Variants in CAMKMT observed in about 807,000 individuals in gnomAD.
CAMKMT encodes the protein CaM KMT.
A neutral mutation model predicts 48.0 loss-of-function variants in CAMKMT; 53 were observed. The observed-to-expected ratio is 1.10, with a 90% CI of 0.89 to 1.39. The LOEUF (loss-of-function observed/expected upper bound fraction) is 1.39. Ranked by LOEUF, CAMKMT falls within the 40% of genes most tolerant of loss-of-function variation. The pLI is 0.00. For missense variants in CAMKMT, 428 were observed against 402.7 expected, an observed-to-expected ratio of 1.06 and a Z score of -0.54; for synonymous variants, 165 against 152.3, an observed-to-expected ratio of 1.08 and a Z score of -0.61.
At chr2:44,713,380 G>C (rs1201768497) in intron 6 of CAMKMT, among the ~76,000 whole-genome samples, 1 of 152,158 alleles carries the variant, frequency 6.6e-6, no homozygotes, top group Non-Finnish European at 1.5e-5. Flanking sequence ...GGTGTGGCCA[G>C]AGTGTGGGGG....
chr2:44,732,897 A>G lies in CAMKMT; in HGVS notation c.624-10725A>G, dbSNP rs138367072. Among the ~76,000 whole-genome samples, 780 of 152,282 alleles carry G rather than the reference A, an allele frequency of 5.1e-3. 10 individuals are homozygous for G. Among genetic ancestry groups the G allele is most frequent in the African/African-American group, 0.018 (745 of 41,566 alleles). ...AGCTCGTCTTCATTCTCCTCACAGG[A>G]TCTTTCAAAGTGCAAATGTTTTTAA... On this transcript the variant is annotated intron_variant, in intron 7 of 10. Transcript: ENST00000378494.
intron 7 of CAMKMT, among the ~76,000 whole-genome samples, chr2:44,718,564 A>G (rs1439546480): frequency 1.3e-5 from 2 of 152,232 alleles, no homozygotes; most frequent in African/African-American, 2.4e-5. Context: ...TATTTACAGT[A>G]TCTCAATTGT....
chr2:44,499,141 G>C (rs566831602), intron 3 of CAMKMT, among the ~76,000 whole-genome samples: 2 of 152,230 alleles, frequency 1.3e-5, no homozygotes, highest in South Asian at 4.1e-4. Flanking sequence ...TAAGAAAATA[G>C]AATACATCTA....
chr2:44,673,720 G>A (rs1167702673), intron 3 of CAMKMT, among the ~76,000 whole-genome samples: 2 of 152,068 alleles, frequency 1.3e-5, no homozygotes, highest in Non-Finnish European at 2.9e-5. Flanking sequence ...AAGGAAAGGG[G>A]GAAGAAGAAA....
intron 7 of CAMKMT, among the ~76,000 whole-genome samples, chr2:44,724,781 C>T (rs1457631227): frequency 6.6e-6 from 1 of 152,112 alleles, no homozygotes; most frequent in Non-Finnish European, 1.5e-5. Context: ...CGTTTCTTGT[C>T]TACATCACAG....
chr2:44,748,886 A>T (rs1680031215), intron 8 of CAMKMT, among the ~76,000 whole-genome samples: 1 of 152,200 alleles, frequency 6.6e-6, no homozygotes. Flanking sequence ...TGAAGAGCGA[A>T]TATTTTAAAG....
chr2:44,525,208 T>C (rs1460892519), intron 3 of CAMKMT, among the ~76,000 whole-genome samples: 1 of 152,200 alleles, frequency 6.6e-6, no homozygotes, highest in Non-Finnish European at 1.5e-5. Flanking sequence ...AGCTTGTTGA[T>C]GACTGAAATC....
chr2:44,694,989 A>G (rs939271019), intron 3 of CAMKMT, among the ~76,000 whole-genome samples: 5 of 152,216 alleles, frequency 3.3e-5, no homozygotes, highest in African/African-American at 1.2e-4. Context: ...TAACGTTTAT[A>G]ACGTGTTTAG....
chr2:44,565,860 T>A (rs372022553), intron 3 of CAMKMT, among the ~76,000 whole-genome samples: 23 of 152,320 alleles, frequency 1.5e-4, no homozygotes, highest in African/African-American at 5.1e-4. Context: ...GAAGGCTGAC[T>A]GTTCTAAAGT....
rs1311507511 is a variant in CAMKMT, at chr2:44,456,493, A to C, written c.376+66188A>C. The C allele has an allele frequency of 1.7e-5, 26 of 1,523,386 alleles. No individual in the cohort carries two copies. The Admixed American group carries it at 5.5e-4, about 33-fold the overall frequency. The allele number at this position is 1,523,386 out of a possible 1,614,324, so 94.4% of individuals were successfully genotyped here. On this transcript the variant is annotated intron_variant, in intron 3 of 10. Coordinates refer to ENST00000378494, the MANE Select transcript of CAMKMT (RefSeq NM_024766.5). ...GTACATTCTTGTGAAAGAAGAAACAAAAAGACCTTGGAATGAAAAGCTTTA... is the reference window on the plus strand; with the variant it reads ...GTACATTCTTGTGAAAGAAGAAACACAAAGACCTTGGAATGAAAAGCTTTA...
intron 3 of CAMKMT, among the ~76,000 whole-genome samples, chr2:44,647,946 C>T (rs1673838857): frequency 6.8e-6 from 1 of 146,074 alleles, no homozygotes; most frequent in Admixed American, 6.8e-5. Context: ...CTATGAACAG[C>T]AATGATTGCC....
chr2:44,733,911 T>C (rs2104351107), intron 7 of CAMKMT, among the ~76,000 whole-genome samples: 1 of 152,260 alleles, frequency 6.6e-6, no homozygotes, highest in African/African-American at 2.4e-5. Context: ...TCTGTATTGA[T>C]GGCACCTCTC....
At chr2:44,599,826 T>TAAAAAA (rs35544020) in intron 3 of CAMKMT, among the ~76,000 whole-genome samples, 1 of 145,440 alleles carries the variant, frequency 6.9e-6, no homozygotes, top group African/African-American at 2.5e-5. Flanking sequence ...TGGCAAGGTT[T>TAAAAAA]AAAAAAAAAA....
intron 3 of CAMKMT, among the ~76,000 whole-genome samples, chr2:44,555,374 A>G (rs1421885643): frequency 6.6e-6 from 1 of 152,184 alleles, no homozygotes; most frequent in Admixed American, 6.5e-5. Context: ...GGAGTCAGAC[A>G]CATCTGACGG....
At chr2:44,738,251 T>C (rs1222037912) in intron 7 of CAMKMT, among the ~76,000 whole-genome samples, 2 of 152,208 alleles carry the variant, frequency 1.3e-5, no homozygotes, top group Non-Finnish European at 2.9e-5. Flanking sequence ...GGGGTAAAGG[T>C]AGGGCTCATT....
chr2:44,523,839 G>A (rs915227275), intron 3 of CAMKMT, among the ~76,000 whole-genome samples: 2 of 141,988 alleles, frequency 1.4e-5, no homozygotes, highest in African/African-American at 5.3e-5. Context: ...GTGCAGTGGC[G>A]TGATCTCGGC....
intron 3 of CAMKMT, among the ~76,000 whole-genome samples, chr2:44,516,052 C>G (rs1258794250): frequency 1.3e-5 from 2 of 152,110 alleles, no homozygotes; most frequent in Non-Finnish European, 2.9e-5. Context: ...GAAATATGTA[C>G]TAGAAGCCAA....
At chr2:44,375,015 C>T (rs1435017306) in intron 2 of CAMKMT, among the ~76,000 whole-genome samples, 1 of 152,150 alleles carries the variant, frequency 6.6e-6, no homozygotes, top group South Asian at 2.1e-4. Context: ...CTTGTAGTCC[C>T]AGGCACTCAG....
intron 3 of CAMKMT, among the ~76,000 whole-genome samples, chr2:44,682,167 T>C (rs969647402): frequency 5.3e-5 from 8 of 152,228 alleles, no homozygotes; most frequent in Non-Finnish European, 7.3e-5. Context: ...TATTTGAAAA[T>C]ATGTGTTCAC....
Sources: allele counts gnomAD v4.1 joint callset (sites outside exome capture counted in the v4.1 genomes callset), GRCh38; gene constraint gnomAD v4.1.1; transcripts MANE v1.5; gene names NCBI Gene and HGNC (gene_info 2026-07-23, HGNC 2026-07-21).